Variants in PRKCB observed in about 807,000 individuals in gnomAD.
PRKCB encodes protein kinase C beta type.
A neutral mutation model predicts 81.5 loss-of-function variants in PRKCB; 13 were observed. The observed-to-expected ratio is 0.16, with a 90% CI of 0.10 to 0.25. PRKCB has a LOEUF of 0.25. Among genes scored for constraint, PRKCB ranks in the 10% least tolerant of loss-of-function variants. The probability of loss-of-function intolerance (pLI) is 1.00; values close to 1 mark genes in which losing one functional copy is unlikely to be tolerated. For missense variants in PRKCB, 509 were observed against 875.7 expected (o/e 0.58, Z 5.29); for synonymous variants, 335 against 321.4 (o/e 1.04, Z -0.45).
rs113333729 is a variant in PRKCB, at chr16:24,001,092, A to G, written c.288+12502A>G. On this transcript the variant is annotated intron_variant, in intron 3 of 16. Coordinates refer to ENST00000643927, the MANE Select transcript of PRKCB (RefSeq NM_002738.7). Reference sequence around the variant, plus strand: ...CTCAATACCTGGTTTTAAAATCATTATTAATGTCTGGAGGAGCCTCTCCTG... The same window carrying G: ...CTCAATACCTGGTTTTAAAATCATTGTTAATGTCTGGAGGAGCCTCTCCTG... Among the ~76,000 whole-genome samples the G allele has an allele frequency of 4.9e-3, 742 of 152,080 alleles. 1 individual carries two copies. Among genetic ancestry groups the G allele is most frequent in the Middle Eastern group, 6.8e-3 (2 of 294 alleles).
rs41311258 is a variant in PRKCB at position 24,217,880 on chromosome 16, A to C, written c.*3064A>C. 0.066 allele frequency: 64,646 copies of C among 985,370 alleles called. 2,296 individuals are homozygous for C. Among genetic ancestry groups the C allele is most frequent in the Non-Finnish European group, 0.072 (59,460 of 829,920 alleles). The allele number at this position is 985,370 out of a possible 1,614,324, so 61.0% of individuals were successfully genotyped here. A position where few individuals can be genotyped will look rare whatever the true frequency, so the allele number is the denominator to read the frequency against. On this transcript the variant is annotated 3_prime_UTR_variant, in exon 17 of 17. Transcript: ENST00000643927. The stretch of plus-strand genomic sequence containing the variant: ...GGCCCTAACACAGTTCAGTTCATAC[A>C]GGGGTTCAAAAGGGACAGTGGCCCA...
intron 3 of PRKCB, among the ~76,000 whole-genome samples, chr16:24,000,477 CTT>C (rs1483189192): frequency 6.6e-6 from 1 of 152,186 alleles, no homozygotes; most frequent in Non-Finnish European, 1.5e-5. Context: ...ATTAGGAAAA[CTT>C]GGGCATGTCG....
chr16:24,135,381 G>A (rs1966861530), intron 9 of PRKCB, among the ~76,000 whole-genome samples: 1 of 149,840 alleles, frequency 6.7e-6, no homozygotes, highest in Non-Finnish European at 1.5e-5. Flanking sequence ...GTGCAGTGGG[G>A]TGATCTTGAG....
intron 2 of PRKCB, among the ~76,000 whole-genome samples, chr16:23,846,734 C>T (rs187314952): frequency 4.0e-5 from 6 of 150,620 alleles, no homozygotes; most frequent in African/African-American, 1.5e-4. Flanking sequence ...TGATTCTGTA[C>T]TGGCTATTCC....
rs1179514581 is a variant in PRKCB at position 24,096,662 on chromosome 16, AAAAAATAT to A, written c.821+2367_821+2374del. On this transcript the variant is annotated intron_variant, in intron 7 of 16. Transcript: ENST00000643927. ...GCTCCCTTCCTATGGCAAAAAAAAA[AAAAAATAT>A]ATATATATATATATATATATATATA... is the stretch of plus-strand genomic sequence containing the variant. 6.9e-4 allele frequency among the ~76,000 whole-genome samples: 28 copies of A among 40,414 alleles called. No individual in the cohort carries two copies. In the South Asian group the frequency reaches 9.0e-3, roughly 13 times the overall value. 26.5% of individuals were successfully genotyped at this position (40,414 alleles called of 152,430 possible).
chr16:23,923,829 G>A (rs747538352), intron 2 of PRKCB, among the ~76,000 whole-genome samples: 7 of 152,016 alleles, frequency 4.6e-5, no homozygotes, highest in Non-Finnish European at 8.8e-5. Context: ...GTAAGGGAAG[G>A]GATTGCTCAT....
At chr16:24,202,427 A>T (rs1239075008) in intron 16 of PRKCB, among the ~76,000 whole-genome samples, 3 of 152,182 alleles carry the variant, frequency 2.0e-5, no homozygotes, top group Non-Finnish European at 4.4e-5. Context: ...GCCTCTTCTC[A>T]TAAGCTTGTC....
intron 2 of PRKCB, among the ~76,000 whole-genome samples, chr16:23,919,836 C>T (rs1159938988): frequency 6.6e-6 from 1 of 152,150 alleles, no homozygotes; most frequent in Non-Finnish European, 1.5e-5. Context: ...TCAGAAGTTC[C>T]CTTCTCTTTT....
At chr16:24,062,884 C>T (rs1384045523) in intron 5 of PRKCB, among the ~76,000 whole-genome samples, 1 of 152,000 alleles carries the variant, frequency 6.6e-6, no homozygotes, top group Non-Finnish European at 1.5e-5. Context: ...CTCTGTGGCT[C>T]AAGAGCCTGA....
chr16:24,071,029 T>C (rs1018513892), intron 5 of PRKCB, among the ~76,000 whole-genome samples: 12 of 152,070 alleles, frequency 7.9e-5, no homozygotes, highest in African/African-American at 2.9e-4. Context: ...GAGGGAACCA[T>C]CTGGACAAAG....
chr16:23,863,665 C>T (rs1962723032), intron 2 of PRKCB, among the ~76,000 whole-genome samples: 1 of 152,194 alleles, frequency 6.6e-6, no homozygotes, highest in Non-Finnish European at 1.5e-5. Context: ...GTAACTGTAG[C>T]AGCCCCAAAG....
intron 2 of PRKCB, among the ~76,000 whole-genome samples, chr16:23,915,788 C>T (rs951456572): frequency 1.4e-5 from 2 of 141,980 alleles, no homozygotes; most frequent in African/African-American, 5.2e-5. Flanking sequence ...TATGATAGAA[C>T]AATTAGAAAA....
chr16:24,094,281 G>A lies in PRKCB; in HGVS notation c.805G>A (p.Ala269Thr), dbSNP rs756684442. 4.6e-5 allele frequency: 75 copies of A among 1,614,064 alleles called. No individual in the cohort carries two copies. The highest frequency in any genetic ancestry group is 6.2e-5 in the Non-Finnish European group (73 of 1,180,012). The change falls in exon 7 of 17, where the codon GCC (alanine) becomes ACC (threonine). Residue 269 changes from alanine to threonine, a missense_variant. Ala to Thr is a moderately conservative substitution (Grantham distance 58, BLOSUM62 0). This residue lies in a region of PRKCB where 184 missense variants were observed against 362.9 expected (regional missense o/e 0.51). Coordinates refer to ENST00000643927, the MANE Select transcript of PRKCB (RefSeq NM_002738.7). Reference sequence around the variant, plus strand: ...CTTTGGGATTTCTGAACTTCAGAAAGCCAGTGTTGATGGCTGGTAAGTAAG... The same window carrying A: ...CTTTGGGATTTCTGAACTTCAGAAAACCAGTGTTGATGGCTGGTAAGTAAG... ...LSFGISELQK[A>T]SVDGWFKLLS...
At chr16:23,892,597 C>T (rs992628356) in intron 2 of PRKCB, among the ~76,000 whole-genome samples, 1 of 152,172 alleles carries the variant, frequency 6.6e-6, no homozygotes, top group Non-Finnish European at 1.5e-5. Flanking sequence ...TTTATCTGGT[C>T]TTCATACAAA....
intron 2 of PRKCB, among the ~76,000 whole-genome samples, chr16:23,851,229 C>G (rs1243620756): frequency 6.6e-6 from 1 of 152,106 alleles, no homozygotes; most frequent in African/African-American, 2.4e-5. Flanking sequence ...GGTTTTAAGT[C>G]TTTAATCAAT....
intron 5 of PRKCB, among the ~76,000 whole-genome samples, chr16:24,038,199 AAAAC>A (rs1225780148): frequency 2.0e-5 from 3 of 151,954 alleles, no homozygotes; most frequent in Admixed American, 6.6e-5. Flanking sequence ...AAAAACAAGA[AAAAC>A]AAACAAACAA....
intron 2 of PRKCB, among the ~76,000 whole-genome samples, chr16:23,954,277 A>G (rs1964322422): frequency 1.3e-5 from 2 of 152,128 alleles, no homozygotes; most frequent in South Asian, 2.1e-4. Flanking sequence ...AGACTGACTT[A>G]GTGGTGTCTA....
At chr16:23,960,174 A>G (rs1218310992) in intron 2 of PRKCB, among the ~76,000 whole-genome samples, 2 of 152,222 alleles carry the variant, frequency 1.3e-5, no homozygotes, top group African/African-American at 2.4e-5. Flanking sequence ...CTAGAGTTGT[A>G]TTAAGCTCCA....
At chr16:24,021,001 T>C (rs1965358357) in intron 3 of PRKCB, among the ~76,000 whole-genome samples, 1 of 136,308 alleles carries the variant, frequency 7.3e-6, no homozygotes, top group African/African-American at 2.8e-5. Context: ...TCTTTCTTTC[T>C]TTCTTTCTTT....
Sources: allele counts gnomAD v4.1 joint callset (sites outside exome capture counted in the v4.1 genomes callset), GRCh38; gene constraint gnomAD v4.1.1; regional missense constraint gnomAD v4.1.1; transcripts MANE v1.5; gene names NCBI Gene and HGNC (gene_info 2026-07-23, HGNC 2026-07-21).